GBE1: variants seen among roughly 807,000 people sequenced by gnomAD.
GBE1 encodes the protein 1,4-alpha-glucan-branching enzyme.
Under a neutral mutation model 88.8 loss-of-function variants are expected in GBE1, and 70 were observed. That is an observed-to-expected ratio of 0.79 (90% CI 0.65 to 0.96). GBE1 has a LOEUF of 0.96. GBE1 is among the 40% of genes least tolerant of loss of function. The pLI is 0.00. For missense variants in GBE1, 872 were observed against 871.0 expected (o/e 1.00, Z -0.01); for synonymous variants, 284 against 300.1 (o/e 0.95, Z 0.56).
intron 9 of GBE1, 74 bp from the exon 10 acceptor site, chr3:81,586,264 A>C: frequency 3.4e-6 from 3 of 881,284 alleles, no homozygotes; most frequent in Non-Finnish European, 5.3e-6. Flanking sequence ...CAGGTCAATA[A>C]ATGAAAACAA....
At chr3:81,696,764 G>A (rs546242450) in intron 2 of GBE1, among the ~76,000 whole-genome samples, 2 of 152,160 alleles carry the variant, frequency 1.3e-5, no homozygotes, top group African/African-American at 4.8e-5. Flanking sequence ...TGTATTAACA[G>A]AGCATAAATT....
At chr3:81,560,175 G>A (rs1469612887) in intron 12 of GBE1, among the ~76,000 whole-genome samples, 1 of 151,842 alleles carries the variant, frequency 6.6e-6, no homozygotes, top group Non-Finnish European at 1.5e-5. Flanking sequence ...GTCTATAGGT[G>A]AGTATAAAAT....
intron 3 of GBE1, among the ~76,000 whole-genome samples, chr3:81,661,577 A>G (rs1705032769): frequency 6.6e-6 from 1 of 152,170 alleles, no homozygotes; most frequent in Non-Finnish European, 1.5e-5. Flanking sequence ...TGTATCTTGG[A>G]CAGCAGTTTT....
At chr3:81,699,934 G>A (rs2107159621) in intron 2 of GBE1, among the ~76,000 whole-genome samples, 1 of 152,270 alleles carries the variant, frequency 6.6e-6, no homozygotes, top group South Asian at 2.1e-4. Context: ...ATGTTATTTG[G>A]CTAATGAAAT....
In GBE1 at chr3:81,577,367, A is replaced by G. The variant is rs560190850; in HGVS notation, c.1618+558T>C. ...ATGTTTCAATGTCTGCTGTTCACCA[A>G]CTAGAAGTCAATTTTTATATTTTAT... On this transcript the variant is annotated intron_variant, in intron 12 of 15. Coordinates refer to ENST00000429644, the MANE Select transcript of GBE1 (RefSeq NM_000158.4). Among the ~76,000 whole-genome samples, 5 of 152,266 alleles carry G rather than the reference A, an allele frequency of 3.3e-5. No homozygotes were observed. The South Asian group carries it at 6.2e-4, about 19-fold the overall frequency.
chr3:81,684,689 T>C (rs1202860568), intron 2 of GBE1, among the ~76,000 whole-genome samples: 2 of 152,212 alleles, frequency 1.3e-5, no homozygotes, highest in Non-Finnish European at 2.9e-5. Flanking sequence ...GATTTTATGT[T>C]TGCCCTCTCA....
chr3:81,709,239 C>T (rs1202869423), intron 1 of GBE1, among the ~76,000 whole-genome samples: 8 of 151,946 alleles, frequency 5.3e-5, no homozygotes, highest in African/African-American at 1.7e-4. Flanking sequence ...CTTACCTAGA[C>T]GAACAAACTA....
intron 2 of GBE1, among the ~76,000 whole-genome samples, chr3:81,695,223 T>C (rs1302836520): frequency 6.6e-6 from 1 of 152,074 alleles, no homozygotes; most frequent in Non-Finnish European, 1.5e-5. Context: ...AACAGTAAAA[T>C]TCACAAGAAA....
At chr3:81,592,542 A>G (rs1266486268) in intron 8 of GBE1, among the ~76,000 whole-genome samples, 2 of 152,020 alleles carry the variant, frequency 1.3e-5, no homozygotes, top group East Asian at 3.9e-4. Flanking sequence ...CTGGTATTCT[A>G]TTTGATCTTC....
rs188199886 is a variant in GBE1 at position 81,549,649 on chromosome 3, C to T, written c.1619-12554G>A. Among the ~76,000 whole-genome samples the T allele has an allele frequency of 4.3e-3, 659 of 151,512 alleles. 37 individuals carry two copies. The highest frequency in any genetic ancestry group is 2.7e-3 in the East Asian group (14 of 5,180). Reference sequence around the variant, plus strand: ...AGGAATTTATCCAACTCATAGATGTCTGAGGTTACAAACACAAGGCTGGGC... The same window carrying T: ...AGGAATTTATCCAACTCATAGATGTTTGAGGTTACAAACACAAGGCTGGGC... On this transcript the variant is annotated intron_variant, in intron 12 of 15. Coordinates refer to ENST00000429644, the MANE Select transcript of GBE1 (RefSeq NM_000158.4).
At chr3:81,497,527 A>T (rs1702516511) in intron 15 of GBE1, among the ~76,000 whole-genome samples, 1 of 152,170 alleles carries the variant, frequency 6.6e-6, no homozygotes, top group Non-Finnish European at 1.5e-5. Flanking sequence ...AAAAAGTTAA[A>T]TTAATCAATT....
intron 2 of GBE1, among the ~76,000 whole-genome samples, chr3:81,686,952 T>C (rs985508812): frequency 6.6e-6 from 1 of 152,166 alleles, no homozygotes; most frequent in Non-Finnish European, 1.5e-5. Context: ...TACAATTTTG[T>C]AACCTTTTGT....
intron 1 of GBE1, among the ~76,000 whole-genome samples, chr3:81,721,232 T>TGCAATTGAATTGTCC (rs1706028533): frequency 9.9e-6 from 1 of 101,256 alleles, no homozygotes; most frequent in African/African-American, 4.8e-5. Flanking sequence ...AATAAATAAA[T>TGCAATTGAATTGTCC]AAAAACACAT....
chr3:81,645,830 T>C lies in GBE1; in HGVS notation c.782+562A>G, dbSNP rs79860064. On this transcript the variant is annotated intron_variant, in intron 6 of 15. Coordinates refer to ENST00000429644, the MANE Select transcript of GBE1 (RefSeq NM_000158.4). ...TCTGTATGAATGATGATGGGAGCAATGTCTATATGCCATACATCATAAACT... is the reference window on the plus strand; with the variant it reads ...TCTGTATGAATGATGATGGGAGCAACGTCTATATGCCATACATCATAAACT... Among the ~76,000 whole-genome samples the C allele has an allele frequency of 9.5e-3, 1,446 of 152,312 alleles. 17 individuals are homozygous for C. The highest frequency in any genetic ancestry group is 0.033 in the African/African-American group (1,378 of 41,570).
At chr3:81,612,896 CTT>C in intron 7 of GBE1, 1 of 399,526 alleles carries the variant, frequency 2.5e-6, no homozygotes, top group Non-Finnish European at 4.8e-6. Context: ...TACAGTACTA[CTT>C]GGTTCCTGAT....
chr3:81,736,564 A>G (rs1706259572), intron 1 of GBE1, among the ~76,000 whole-genome samples: 1 of 152,168 alleles, frequency 6.6e-6, no homozygotes, highest in African/African-American at 2.4e-5. Flanking sequence ...CTGCTACCTG[A>G]TATGTCAATT....
chr3:81,621,567 C>T (rs1704333900), intron 7 of GBE1, among the ~76,000 whole-genome samples: 1 of 152,104 alleles, frequency 6.6e-6, no homozygotes, highest in African/African-American at 2.4e-5. Flanking sequence ...TTCTTCACCC[C>T]CCAACAGAAA....
At chr3:81,562,825 C>T (rs1466326499) in intron 12 of GBE1, among the ~76,000 whole-genome samples, 1 of 150,976 alleles carries the variant, frequency 6.6e-6, no homozygotes, top group Non-Finnish European at 1.5e-5. Context: ...CTGAGAGATT[C>T]TCTTTACTAT....
At chr3:81,550,964 C>A (rs1238495670) in intron 12 of GBE1, among the ~76,000 whole-genome samples, 3 of 152,172 alleles carry the variant, frequency 2.0e-5, no homozygotes, top group Non-Finnish European at 2.9e-5. Flanking sequence ...TCTCTGAATT[C>A]TTTCTTGCCT....
Sources: allele counts gnomAD v4.1 joint callset (sites outside exome capture counted in the v4.1 genomes callset), GRCh38; gene constraint gnomAD v4.1.1; transcripts MANE v1.5; gene names NCBI Gene and HGNC (gene_info 2026-07-23, HGNC 2026-07-21).